CNGB1: variants seen among roughly 807,000 people sequenced by gnomAD.
The protein encoded by CNGB1 is cyclic nucleotide-gated channel beta-1.
A neutral mutation model predicts 151.7 loss-of-function variants in CNGB1; 126 were observed. The ratio of observed to expected loss-of-function variants is 0.83; its 90% CI spans 0.72 to 0.96. CNGB1 has a LOEUF of 0.96. Among genes scored for constraint, CNGB1 ranks in the 40% least tolerant of loss-of-function variants. The probability of loss-of-function intolerance (pLI) is 0.00; values close to 1 mark genes in which losing one functional copy is unlikely to be tolerated. For missense variants in CNGB1, 1,698 were observed against 1,627.0 expected, an observed-to-expected ratio of 1.04 and a Z score of -0.75; for synonymous variants, 623 against 635.1, an observed-to-expected ratio of 0.98 and a Z score of 0.29.
intron 24 of CNGB1, among the ~76,000 whole-genome samples, chr16:57,912,354 G>A (rs1325939692): frequency 1.3e-5 from 2 of 152,174 alleles, no homozygotes; most frequent in African/African-American, 2.4e-5. Context: ...AATGAGGCCC[G>A]GTTCGCTGCA....
chr16:57,965,506 C>T (rs1159362552), intron 2 of CNGB1, among the ~76,000 whole-genome samples: 3 of 152,144 alleles, frequency 2.0e-5, no homozygotes, highest in South Asian at 2.1e-4. Flanking sequence ...TGCTCAGTCA[C>T]ACACATGTGC....
chr16:57,911,629 T>C (rs1317385470), intron 25 of CNGB1, 124 bp downstream of exon 25: 1 of 1,357,384 alleles, frequency 7.4e-7, no homozygotes, highest in African/African-American at 1.4e-5. Context: ...AGTGATTGCT[T>C]AGGAGCAAAG....
At chr16:57,891,328 A>T (rs1326824934) in intron 31 of CNGB1, among the ~76,000 whole-genome samples, 4 of 152,196 alleles carry the variant, frequency 2.6e-5, no homozygotes, top group Admixed American at 2.6e-4. Flanking sequence ...CAAATCTCCC[A>T]TCACAACATT....
chr16:57,917,080 C>T (rs977456300), intron 21 of CNGB1, among the ~76,000 whole-genome samples, 188 bp downstream of exon 21: 2 of 152,176 alleles, frequency 1.3e-5, no homozygotes, highest in South Asian at 4.1e-4. Flanking sequence ...ATCTGATGTG[C>T]GTAATTTGAA....
At chr16:57,945,164 C>CA (rs1567390052) in intron 14 of CNGB1, among the ~76,000 whole-genome samples, 3 of 152,106 alleles carry the variant, frequency 2.0e-5, no homozygotes, top group African/African-American at 7.2e-5. Context: ...GATACTGCAT[C>CA]ACTGACCCCA....
chr16:57,927,389 G>C (rs1382701925), intron 17 of CNGB1, among the ~76,000 whole-genome samples: 1 of 152,194 alleles, frequency 6.6e-6, no homozygotes, highest in Non-Finnish European at 1.5e-5. Context: ...TCTACAGAGA[G>C]GCAGGCCTCA....
At chr16:57,969,636 T>C (rs1281256157) in intron 1 of CNGB1, among the ~76,000 whole-genome samples, 1 of 152,212 alleles carries the variant, frequency 6.6e-6, no homozygotes, top group Non-Finnish European at 1.5e-5. Flanking sequence ...TATAGTGCTA[T>C]ATTTTAAAAA....
intron 25 of CNGB1, among the ~76,000 whole-genome samples, chr16:57,908,911 G>C (rs1174931090): frequency 6.6e-6 from 1 of 152,238 alleles, no homozygotes; most frequent in Non-Finnish European, 1.5e-5. Context: ...CGAGGGCTGA[G>C]CCCTCCCTCT....
intron 16 of CNGB1, 44 bp from the exon 17 acceptor site, chr16:57,931,922 G>C: frequency 6.2e-7 from 1 of 1,609,170 alleles, no homozygotes; most frequent in Non-Finnish European, 8.5e-7. Flanking sequence ...AGAGACAAAA[G>C]CTGGGTCCCA....
intron 17 of CNGB1, 65 bp from the exon 18 acceptor site, chr16:57,923,445 G>T: frequency 7.5e-7 from 1 of 1,325,738 alleles, no homozygotes; most frequent in Non-Finnish European, 1.1e-6. Flanking sequence ...GAAGTGTCAT[G>T]ACTTTGATCC....
At chr16:57,935,188 G>T (rs1426437333) in intron 16 of CNGB1, among the ~76,000 whole-genome samples, 6 of 152,082 alleles carry the variant, frequency 3.9e-5, no homozygotes, top group Non-Finnish European at 8.8e-5. Context: ...CTTCGAGCCT[G>T]CAGCAGGCCC....
At chr16:57,966,740 C>T (rs1054901482) in intron 2 of CNGB1, among the ~76,000 whole-genome samples, 8 of 152,146 alleles carry the variant, frequency 5.3e-5, no homozygotes, top group South Asian at 4.1e-4. Flanking sequence ...TGGCAAAATA[C>T]GACCTGTGGG....
chr16:57,893,604 C>T (rs1287895695), intron 31 of CNGB1, among the ~76,000 whole-genome samples: 4 of 152,234 alleles, frequency 2.6e-5, no homozygotes. Context: ...CCCAGACCAG[C>T]CTGGTCAACA....
At chr16:57,961,008 C>G in intron 7 of CNGB1, 93 bp from the exon 8 acceptor site, 1 of 1,143,212 alleles carries the variant, frequency 8.7e-7, no homozygotes, top group Non-Finnish European at 1.3e-6. Context: ...CCAGCCATTC[C>G]GTGCCCTCCA....
intron 2 of CNGB1, among the ~76,000 whole-genome samples, chr16:57,966,307 C>T (rs549993530): frequency 2.6e-5 from 4 of 152,188 alleles, no homozygotes; most frequent in Admixed American, 1.3e-4. Context: ...GCTGAGTCCC[C>T]GGGGCAATGC....
At chr16:57,900,454 C>T (rs1325468244) in intron 29 of CNGB1, among the ~76,000 whole-genome samples, 2 of 152,170 alleles carry the variant, frequency 1.3e-5, no homozygotes, top group South Asian at 2.1e-4. Flanking sequence ...AACTTATTAA[C>T]GGCTCTGTGC....
Position 57,884,523 on chromosome 16 carries a change from C to T in CNGB1, c.3463-66G>A. On this transcript the variant is annotated intron_variant, in intron 32 of 32. Coordinates refer to ENST00000251102, the MANE Select transcript of CNGB1 (RefSeq NM_001297.5). Reference sequence around the variant, plus strand: ...GGAGGGGTCTTGGAAGGGTCTTGGACACCTCCCTGTTCCAGCCTTTTTGGA... The same window carrying T: ...GGAGGGGTCTTGGAAGGGTCTTGGATACCTCCCTGTTCCAGCCTTTTTGGA... 7.0e-6 allele frequency: 11 copies of T among 1,580,316 alleles called. No homozygotes were observed. The South Asian group carries it at 1.2e-4, about 18-fold the overall frequency.
intron 1 of CNGB1, 143 bp from the exon 2 acceptor site, chr16:57,967,437 T>A: frequency 1.3e-6 from 1 of 784,700 alleles, no homozygotes; most frequent in Non-Finnish European, 2.1e-6. Flanking sequence ...CTCACACCTG[T>A]AATCCCAGCA....
chr16:57,904,404 C>G (rs1236657326), intron 26 of CNGB1, among the ~76,000 whole-genome samples: 1 of 152,150 alleles, frequency 6.6e-6, no homozygotes, highest in Non-Finnish European at 1.5e-5. Flanking sequence ...ACTGTCACCT[C>G]ATGTCTCGAC....
Sources: allele counts gnomAD v4.1 joint callset (sites outside exome capture counted in the v4.1 genomes callset), GRCh38; gene constraint gnomAD v4.1.1; transcripts MANE v1.5; gene names NCBI Gene and HGNC (gene_info 2026-07-23, HGNC 2026-07-21).